The following PSD3 variants were observed in gnomAD, a reference collection of about 807,000 sequenced individuals.
PSD3 encodes pleckstrin and Sec7 domain containing 3.
A neutral mutation model predicts 105.5 loss-of-function variants in PSD3; 49 were observed. That is an observed-to-expected ratio of 0.46 (90% CI 0.37 to 0.59). The LOEUF is 0.59. PSD3 is among the 20% of genes least tolerant of loss of function. The probability of loss-of-function intolerance (pLI) is 0.00; values close to 1 mark genes in which losing one functional copy is unlikely to be tolerated. For synonymous variants in PSD3, 557 were observed against 457.8 expected, an observed-to-expected ratio of 1.22 and a Z score of -2.77; for missense variants, 1,561 against 1,263.8, an observed-to-expected ratio of 1.24 and a Z score of -3.57.
intron 4 of PSD3, among the ~76,000 whole-genome samples, chr8:18,815,134 G>A (rs1231670954): frequency 6.6e-6 from 1 of 152,066 alleles, no homozygotes; most frequent in Non-Finnish European, 1.5e-5. Flanking sequence ...CTACAATCTA[G>A]CCAGGGAATA....
intron 11 of PSD3, among the ~76,000 whole-genome samples, chr8:18,628,053 G>A (rs895120426): frequency 6.6e-6 from 1 of 151,774 alleles, no homozygotes; most frequent in African/African-American, 2.4e-5. Context: ...TGAAGTAAAT[G>A]AAGAATAAAA....
intron 7 of PSD3, 72 bp from the exon 8 acceptor site, chr8:18,799,425 T>C (rs1236300460): frequency 1.7e-6 from 2 of 1,176,286 alleles, no homozygotes; most frequent in African/African-American, 1.5e-5. Flanking sequence ...TTATCACTAA[T>C]AGGATACACT....
rs1160941835 is a variant in PSD3, at chr8:18,531,926, A to G, written c.*3817T>C. The G allele has an allele frequency of 6.6e-6, 1 of 152,248 alleles. No homozygotes were observed. The highest frequency in any genetic ancestry group is 1.5e-5 in the Non-Finnish European group (1 of 68,046). The allele number at this position is 152,248 out of a possible 1,614,324, so 9.4% of individuals were successfully genotyped here. A position where few individuals can be genotyped will look rare whatever the true frequency, so the allele number is the denominator to read the frequency against. ...CGACCAAGTCCACGGGAGTTAAATT[A>G]CAGAGATTCAAACCTGCAAAGCTAA... On this transcript the variant is annotated 3_prime_UTR_variant, in exon 16 of 16. Coordinates refer to ENST00000327040, the MANE Select transcript of PSD3 (RefSeq NM_015310.4).
At chr8:18,965,896 A>G (rs920909489) in intron 1 of PSD3, among the ~76,000 whole-genome samples, 2 of 152,242 alleles carry the variant, frequency 1.3e-5, no homozygotes, top group Non-Finnish European at 2.9e-5. Flanking sequence ...GCTCCTGGTA[A>G]TATAACACCC....
intron 10 of PSD3, among the ~76,000 whole-genome samples, chr8:18,652,259 A>G (rs1225168071): frequency 1.3e-5 from 2 of 152,104 alleles, no homozygotes; most frequent in Non-Finnish European, 1.5e-5. Flanking sequence ...GTATATATAT[A>G]TAGGAAGAAT....
At position 18,672,997 on chromosome 8, in the gene PSD3, T is replaced by C. The variant is rs140817722; in HGVS notation, c.2173-17312A>G. ...TTAAAAAAAATTTCTCAAGGCAATA[T>C]ATGTATATCATTTATATAATCAAAA... On this transcript the variant is annotated intron_variant, in intron 9 of 15. Transcript: ENST00000327040. 9.5e-3 allele frequency among the ~76,000 whole-genome samples: 1,443 copies of C among 152,286 alleles called. 13 individuals are homozygous for C. The highest frequency in any genetic ancestry group is 0.013 in the Non-Finnish European group (899 of 68,026).
At chr8:18,758,414 CTTTTT>C (rs143280710) in intron 9 of PSD3, among the ~76,000 whole-genome samples, 1 of 135,106 alleles carries the variant, frequency 7.4e-6, no homozygotes, top group Non-Finnish European at 1.6e-5. Flanking sequence ...CAGTTTTACT[CTTTTT>C]TTTTTTTTTT....
intron 9 of PSD3, among the ~76,000 whole-genome samples, chr8:18,718,772 T>G (rs1384444672): frequency 1.3e-5 from 2 of 152,030 alleles, no homozygotes; most frequent in East Asian, 3.9e-4. Flanking sequence ...TCAAGGAAAT[T>G]TTATAATTTA....
At chr8:18,814,457 T>C (rs1386610524) in intron 4 of PSD3, among the ~76,000 whole-genome samples, 1 of 152,226 alleles carries the variant, frequency 6.6e-6, no homozygotes, top group Non-Finnish European at 1.5e-5. Flanking sequence ...CAAACGTTTC[T>C]AGGGGCATGA....
chr8:18,555,508 A>T (rs1238567935), intron 15 of PSD3, among the ~76,000 whole-genome samples: 1 of 152,256 alleles, frequency 6.6e-6, no homozygotes, highest in Admixed American at 6.5e-5. Context: ...ACCTACTTTA[A>T]AAATAAAAAG....
At chr8:18,588,885 T>C (rs1470901184) in intron 12 of PSD3, among the ~76,000 whole-genome samples, 1 of 136,048 alleles carries the variant, frequency 7.4e-6, no homozygotes, top group Admixed American at 7.3e-5. Flanking sequence ...AAATGTTGAA[T>C]GTGAGAATAG....
intron 4 of PSD3, among the ~76,000 whole-genome samples, chr8:18,837,029 T>A (rs1332288142): frequency 6.6e-6 from 1 of 151,970 alleles, no homozygotes; most frequent in African/African-American, 2.4e-5. Context: ...ATGGCAAGGC[T>A]TTTAACTAAA....
intron 4 of PSD3, among the ~76,000 whole-genome samples, chr8:18,847,406 C>T (rs1340742509): frequency 5.3e-5 from 8 of 152,154 alleles, no homozygotes; most frequent in Admixed American, 1.3e-4. Flanking sequence ...CAGCCAAAAG[C>T]ACTCTCTCCC....
chr8:18,816,017 A>G lies in PSD3; in HGVS notation c.1635-11119T>C, dbSNP rs146938007. ...CCCTCCCCTTAGGAAATAAAATCCT[A>G]TCTCTGTCACTTCCTGCTTTCATCT... On this transcript the variant is annotated intron_variant, in intron 4 of 15. Coordinates refer to ENST00000327040, the MANE Select transcript of PSD3 (RefSeq NM_015310.4). Among the ~76,000 whole-genome samples, 1,026 of 152,328 alleles carry G rather than the reference A, an allele frequency of 6.7e-3. 10 individuals carry two copies. Among genetic ancestry groups the G allele is most frequent in the Middle Eastern group, 0.017 (5 of 294 alleles).
At chr8:18,955,434 T>C (rs746453657) in intron 1 of PSD3, among the ~76,000 whole-genome samples, 2 of 152,200 alleles carry the variant, frequency 1.3e-5, no homozygotes, top group Non-Finnish European at 2.9e-5. Flanking sequence ...ATTGTTAATG[T>C]TGATATATTT....
In PSD3 at chr8:18,974,234, CAA is replaced by C. The variant is rs58711303; in HGVS notation, c.22-38094_22-38093del. 6.9e-3 allele frequency among the ~76,000 whole-genome samples: 1,057 copies of C among 152,290 alleles called. 13 individuals carry two copies. Among genetic ancestry groups the C allele is most frequent in the African/African-American group, 0.024 (1,015 of 41,566 alleles). ...CATGTTACAGATAAAGAAAAAGGCT[CAA>C]AAAGCCTTCCTCAAACTCAGACAGT... On this transcript the variant is annotated intron_variant, in intron 1 of 15. Transcript: ENST00000327040.
intron 1 of PSD3, among the ~76,000 whole-genome samples, chr8:18,990,704 A>G (rs1381236624): frequency 6.6e-6 from 1 of 152,174 alleles, no homozygotes; most frequent in African/African-American, 2.4e-5. Context: ...TTAAAACAGA[A>G]TATTTTAAAG....
At chr8:18,781,689 C>A (rs915239548) in intron 8 of PSD3, among the ~76,000 whole-genome samples, 1 of 152,138 alleles carries the variant, frequency 6.6e-6, no homozygotes, top group Non-Finnish European at 1.5e-5. Context: ...GAAGGCCTTT[C>A]AGGGTAGAAT....
At chr8:18,946,705 G>C (rs1434402527) in intron 1 of PSD3, among the ~76,000 whole-genome samples, 1 of 151,958 alleles carries the variant, frequency 6.6e-6, no homozygotes, top group Non-Finnish European at 1.5e-5. Context: ...TTCAAGACAA[G>C]CCTGACCAAT....
Sources: gnomAD v4.1 joint callset for allele counts (sites outside exome capture counted in the v4.1 genomes callset) on GRCh38, gnomAD v4.1.1 for gene constraint, MANE v1.5 for transcripts, NCBI Gene and HGNC (gene_info 2026-07-23, HGNC 2026-07-21) for gene names.